Variants in MCM3AP observed in about 807,000 individuals in gnomAD.
The protein encoded by MCM3AP is minichromosome maintenance complex component 3 associated protein.
A neutral mutation model predicts 184.1 loss-of-function variants in MCM3AP; 126 were observed. That is an observed-to-expected ratio of 0.68 (90% CI 0.59 to 0.79). The LOEUF (loss-of-function observed/expected upper bound fraction) is 0.79. Ranked by LOEUF, MCM3AP falls within the 30% of genes least tolerant of loss-of-function variation. MCM3AP has a pLI of 0.00. For synonymous variants in MCM3AP, 1,002 were observed against 979.3 expected (o/e 1.02, Z -0.43); for missense variants, 2,496 against 2,479.2 (o/e 1.01, Z -0.14).
Position 46,239,556 on chromosome 21 carries a change from T to C in MCM3AP, c.5633+1255A>G, listed in dbSNP as rs1007398694. Among the ~76,000 whole-genome samples the C allele has an allele frequency of 4.6e-4, 70 of 151,806 alleles. 1 individual carries two copies. Among genetic ancestry groups the C allele is most frequent in the Admixed American group, 1.9e-3 (29 of 15,242 alleles). The stretch of plus-strand genomic sequence containing the variant: ...CAGAGATGACCACCAAAGGAAGGGG[T>C]TGGTTGGAAGAAAGCCGGGAACTGG... On this transcript the variant is annotated intron_variant, in intron 26 of 27. Coordinates refer to ENST00000291688, the MANE Select transcript of MCM3AP (RefSeq NM_003906.5).
At chr21:46,251,444 C>T (rs1785606404) in intron 20 of MCM3AP, 85 bp downstream of exon 20, 2 of 1,096,944 alleles carry the variant, frequency 1.8e-6, no homozygotes, top group Non-Finnish European at 2.6e-6. Flanking sequence ...AGGGAATAAG[C>T]AGTATTTGCA....
intron 26 of MCM3AP, among the ~76,000 whole-genome samples, chr21:46,238,825 A>G (rs182131484): frequency 6.6e-6 from 1 of 152,364 alleles, no homozygotes; most frequent in Admixed American, 6.5e-5. Flanking sequence ...TCCAGATGCT[A>G]GGCATCATTC....
intron 25 of MCM3AP, chr21:46,241,578 C>G (rs573375734): frequency 6.5e-6 from 1 of 153,796 alleles, no homozygotes; most frequent in Admixed American, 6.4e-5. Context: ...ACTCTGGCAT[C>G]CCCACATGGT....
intron 6 of MCM3AP, among the ~76,000 whole-genome samples, chr21:46,274,184 T>C (rs2081225650): frequency 6.6e-6 from 1 of 152,204 alleles, no homozygotes; most frequent in African/African-American, 2.4e-5. Flanking sequence ...GAAGGGTGTA[T>C]AAAGCCACCA....
intron 1 of MCM3AP, 25 bp from the exon 2 acceptor site, chr21:46,283,863 T>TAAAC: frequency 6.3e-7 from 1 of 1,594,912 alleles, no homozygotes; most frequent in Admixed American, 1.7e-5. Context: ...AATGGACACT[T>TAAAC]AAACCATCAG....
chr21:46,240,946 C>T lies in MCM3AP; in HGVS notation c.5498G>A (p.Trp1833Ter), dbSNP rs1569050096. ...TTGAGCACACTCTGTGCTCCTCTTC[C>T]AGTTACGGTGCATGTGAAGCAATGG... ...PIPLLHMHRN[W>*]KRSTECAQEG... Residue 1833 changes from tryptophan (W) to a stop codon, truncating the protein, a stop_gained, in exon 26 of 28, where the codon TGG (tryptophan) becomes TAG (stop). Transcript: ENST00000291688. LOFTEE classifies it high-confidence loss of function. The T allele has an allele frequency of 6.2e-7, 1 of 1,614,154 alleles. No individual in the cohort carries two copies. The highest frequency in any genetic ancestry group is 8.5e-7 in the Non-Finnish European group (1 of 1,180,000).
Position 46,247,420 on chromosome 21 carries a change from C to CT in MCM3AP, c.4291-535dup, listed in dbSNP as rs568532976. Among the ~76,000 whole-genome samples, 3 of 151,522 alleles carry CT rather than the reference C, an allele frequency of 2.0e-5. No individual in the cohort carries two copies. In the South Asian group the frequency reaches 6.3e-4, roughly 32 times the overall value. On this transcript the variant is annotated intron_variant, in intron 20 of 27. Transcript: ENST00000291688. ...TTATTTTTTGAGATGGAGTCTCACT[C>CT]TGTCGCCCAGGCTGGATTGCAGTGG... is the stretch of plus-strand genomic sequence containing the variant.
chr21:46,284,395 C>T lies in MCM3AP; in HGVS notation c.892G>A (p.Asp298Asn), dbSNP rs1427484106. ...MKGLKRKEDQ[D>N]RSPRRHGHEP... ...TGGCCATGTCTCCTTGGGGAGCGAT[C>T]CTGGTCCTCCTTCCTTTTCAGTCCT... is the stretch of plus-strand genomic sequence containing the variant. Residue 298 changes from aspartate to asparagine, a missense_variant, in exon 1 of 28, where the codon GAT (aspartate) becomes AAT (asparagine). Around this residue, in one of 5 missense-constraint regions of MCM3AP, gnomAD observed 800 missense variants for 717.1 expected, o/e 1.12. Coordinates refer to ENST00000291688, the MANE Select transcript of MCM3AP (RefSeq NM_003906.5). The T allele has an allele frequency of 6.2e-7, 1 of 1,614,164 alleles. No individual in the cohort carries two copies. The highest frequency in any genetic ancestry group is 8.5e-7 in the Non-Finnish European group (1 of 1,180,040).
chr21:46,254,324 C>T (rs2080914611), intron 19 of MCM3AP, 68 bp downstream of exon 19: 1 of 1,584,102 alleles, frequency 6.3e-7, no homozygotes, highest in East Asian at 2.2e-5. Context: ...AATACCCGGC[C>T]CTGGCCCACA....
chr21:46,271,776 G>A (rs1235105843), intron 8 of MCM3AP, among the ~76,000 whole-genome samples: 4 of 151,818 alleles, frequency 2.6e-5, no homozygotes, highest in South Asian at 2.1e-4. Flanking sequence ...CAAGAGAATC[G>A]CTTGAACCCA....
Position 46,244,981 on chromosome 21 carries a change from C to T in MCM3AP, c.4864G>A (p.Val1622Met), listed in dbSNP as rs112294478. Reference sequence around the variant, plus strand: ...TCACACAGCTGTTCAGAGGACACCACAGAAGCCAGGAACTGCAGCACACTG... The same window carrying T: ...TCACACAGCTGTTCAGAGGACACCATAGAAGCCAGGAACTGCAGCACACTG... ...FNSVLQFLAS[V>M]VSSEQLCDLS... Residue 1622 changes from valine to methionine, a missense_variant, in exon 23 of 28, where the codon GTG becomes ATG. Physicochemically the swap from Val to Met is conservative, Grantham distance 21. Coordinates refer to ENST00000291688, the MANE Select transcript of MCM3AP (RefSeq NM_003906.5). 6.2e-7 allele frequency: 1 copy of T among 1,614,240 alleles called. No individual in the cohort carries two copies. Among genetic ancestry groups the T allele is most frequent in the Non-Finnish European group, 8.5e-7 (1 of 1,180,046 alleles).
Position 46,265,384 on chromosome 21 carries a change from G to A in MCM3AP, c.3171C>T (p.Leu1057=). 1.2e-6 allele frequency: 2 copies of A among 1,614,110 alleles called. No individual in the cohort carries two copies. Among genetic ancestry groups the A allele is most frequent in the African/African-American group, 1.3e-5 (1 of 75,044 alleles). Residue 1057 remains leucine, a synonymous_variant, in exon 12 of 28, where the codon CTC becomes CTT. Coordinates refer to ENST00000291688, the MANE Select transcript of MCM3AP (RefSeq NM_003906.5). ...GTTCAGGCTGCACAGACAGCTGGAA[G>A]AGGCTGGGCGCCACAGACGGGGTCA... ...LALTPSVAPS[L]FQLSVQPEPP... is the part of the protein sequence containing the mutation.
Position 46,261,451 on chromosome 21 carries a change from A to C in MCM3AP, c.3336-40T>G, listed in dbSNP as rs137957554. 974 of 1,605,124 alleles carry C rather than the reference A, an allele frequency of 6.1e-4. 6 individuals carry two copies. In the African/African-American group the frequency reaches 8.8e-3, roughly 14 times the overall value. On this transcript the variant is annotated intron_variant, in intron 13 of 27. Transcript: ENST00000291688. ...GGGGATAGCATTCAAAATCAGAGTC[A>C]AGGCCGGGTGCGGTGGCTCACGCCT...
At chr21:46,248,616 G>GAA (rs61450735) in intron 20 of MCM3AP, among the ~76,000 whole-genome samples, 4 of 128,068 alleles carry the variant, frequency 3.1e-5, no homozygotes, top group Admixed American at 8.1e-5. Context: ...TAACAGAGAG[G>GAA]AAAAAAAAAA....
intron 23 of MCM3AP, 90 bp from the exon 24 acceptor site, chr21:46,243,812 T>C: frequency 7.4e-7 from 1 of 1,352,060 alleles, no homozygotes; most frequent in Non-Finnish European, 1.0e-6. Context: ...AAGGCAACTG[T>C]GAAGTTGAGA....
At chr21:46,263,088 A>G (rs1306499914) in intron 13 of MCM3AP, among the ~76,000 whole-genome samples, 3 of 150,126 alleles carry the variant, frequency 2.0e-5, no homozygotes, top group Non-Finnish European at 4.4e-5. Flanking sequence ...CCAGCAGTTT[A>G]GGAGGCCAAG....
intron 25 of MCM3AP, 98 bp downstream of exon 25, chr21:46,242,704 G>A (rs996805349): frequency 5.9e-5 from 74 of 1,244,152 alleles, no homozygotes; most frequent in Non-Finnish European, 7.9e-5. Flanking sequence ...TCTGCCCACA[G>A]TGGACTGGAT....
chr21:46,274,404 C>A (rs1294239358), intron 6 of MCM3AP, among the ~76,000 whole-genome samples: 1 of 152,128 alleles, frequency 6.6e-6, no homozygotes, highest in Admixed American at 6.5e-5. Flanking sequence ...AACAATATTA[C>A]TAATAGAACT....
intron 21 of MCM3AP, 71 bp from the exon 22 acceptor site, chr21:46,246,475 G>T: frequency 7.3e-7 from 1 of 1,372,286 alleles, no homozygotes; most frequent in Non-Finnish European, 1.0e-6. Flanking sequence ...ATCTCACTGT[G>T]CTGACCCCAC....
Sources: allele counts gnomAD v4.1 joint callset (sites outside exome capture counted in the v4.1 genomes callset), GRCh38; gene constraint gnomAD v4.1.1; regional missense constraint gnomAD v4.1.1; transcripts MANE v1.5; gene names NCBI Gene and HGNC (gene_info 2026-07-23, HGNC 2026-07-21).